Variants in UBE2E2 observed in about 807,000 individuals in gnomAD.
UBE2E2 encodes ubiquitin conjugating enzyme E2 E2.
Under a neutral mutation model 24.7 loss-of-function variants are expected in UBE2E2, and 6 were observed. The ratio of observed to expected loss-of-function variants is 0.24; its 90% CI spans 0.13 to 0.48. UBE2E2 has a LOEUF of 0.48. Among genes scored for constraint, UBE2E2 ranks in the 20% least tolerant of loss-of-function variants. The pLI is 0.99. For synonymous variants in UBE2E2, 104 were observed against 83.6 expected (o/e 1.24, Z -1.33); for missense variants, 169 against 245.0 (o/e 0.69, Z 2.07).
intron 5 of UBE2E2, among the ~76,000 whole-genome samples, chr3:23,582,269 T>C (rs1244856202): frequency 6.6e-6 from 1 of 152,222 alleles, no homozygotes; most frequent in East Asian, 1.9e-4. Flanking sequence ...CTATTGTGTA[T>C]ATATACCACG....
chr3:23,378,912 T>G (rs1233271189), intron 3 of UBE2E2, among the ~76,000 whole-genome samples: 1 of 152,212 alleles, frequency 6.6e-6, no homozygotes, highest in Non-Finnish European at 1.5e-5. Flanking sequence ...CCTATTTTCT[T>G]TGTCAAATCT....
At chr3:23,469,463 T>A (rs1016784352) in intron 3 of UBE2E2, among the ~76,000 whole-genome samples, 2 of 152,210 alleles carry the variant, frequency 1.3e-5, no homozygotes, top group African/African-American at 2.4e-5. Context: ...AAATATGTAT[T>A]ATTCATACTA....
intron 3 of UBE2E2, among the ~76,000 whole-genome samples, chr3:23,456,278 G>C (rs1698677703): frequency 6.6e-6 from 1 of 152,122 alleles, no homozygotes; most frequent in South Asian, 2.1e-4. Context: ...TCATCCATGA[G>C]AGTTGGAATC....
At chr3:23,560,678 C>T (rs1162429010) in intron 5 of UBE2E2, among the ~76,000 whole-genome samples, 6 of 152,188 alleles carry the variant, frequency 3.9e-5, no homozygotes, top group South Asian at 2.1e-4. Flanking sequence ...TTTACAGTCC[C>T]ACCAACAGTG....
chr3:23,301,999 C>T (rs1699110255), intron 3 of UBE2E2, among the ~76,000 whole-genome samples: 1 of 152,124 alleles, frequency 6.6e-6, no homozygotes, highest in African/African-American at 2.4e-5. Context: ...ATAATTCAGA[C>T]TTGTGGAAAA....
intron 3 of UBE2E2, among the ~76,000 whole-genome samples, chr3:23,224,618 C>G (rs553873001): frequency 5.3e-5 from 8 of 150,632 alleles, no homozygotes; most frequent in African/African-American, 2.0e-4. Context: ...TTGACTTTTT[C>G]CTTTACAGTT....
chr3:23,441,771 A>G (rs1243953699), intron 3 of UBE2E2, among the ~76,000 whole-genome samples: 2 of 152,198 alleles, frequency 1.3e-5, no homozygotes, highest in Non-Finnish European at 2.9e-5. Flanking sequence ...TGTTAACTGT[A>G]CAACACTTTA....
rs796469359 is a variant in UBE2E2 at position 23,425,993 on chromosome 3, G to T, written c.228-73615G>T. 6.6e-5 allele frequency among the ~76,000 whole-genome samples: 10 copies of T among 152,178 alleles called. 1 individual carries two copies. Among genetic ancestry groups the T allele is most frequent in the African/African-American group, 2.2e-4 (9 of 41,442 alleles). On this transcript the variant is annotated intron_variant, in intron 3 of 5. Coordinates refer to ENST00000396703, the MANE Select transcript of UBE2E2 (RefSeq NM_152653.4). ...TCATTAAAATACTAAGGGCTCTAGGGATAAAGTAGATGCCATGGAAGAGCA... is the reference window on the plus strand; with the variant it reads ...TCATTAAAATACTAAGGGCTCTAGGTATAAAGTAGATGCCATGGAAGAGCA...
At chr3:23,401,491 G>T (rs1481698664) in intron 3 of UBE2E2, among the ~76,000 whole-genome samples, 1 of 152,102 alleles carries the variant, frequency 6.6e-6, no homozygotes, top group East Asian at 1.9e-4. Flanking sequence ...TATGTGAAAA[G>T]GTAAAAACGT....
intron 3 of UBE2E2, chr3:23,271,084 A>G (rs1239513108): frequency 8.8e-6 from 4 of 453,546 alleles, no homozygotes; most frequent in African/African-American, 2.0e-5. Context: ...AGTTAAGATG[A>G]TAGCAGTAAT....
intron 2 of UBE2E2, among the ~76,000 whole-genome samples, chr3:23,215,944 T>A (rs1696464661): frequency 6.6e-6 from 1 of 152,174 alleles, no homozygotes; most frequent in East Asian, 1.9e-4. Flanking sequence ...ATATGTACTT[T>A]GTATGCATAT....
intron 3 of UBE2E2, among the ~76,000 whole-genome samples, chr3:23,277,478 C>G (rs1214574235): frequency 6.6e-6 from 1 of 152,072 alleles, no homozygotes; most frequent in South Asian, 2.1e-4. Context: ...CTATCTAACT[C>G]TAAGAACTAG....
At chr3:23,476,334 A>T (rs1198108140) in intron 3 of UBE2E2, among the ~76,000 whole-genome samples, 1 of 152,080 alleles carries the variant, frequency 6.6e-6, no homozygotes. Context: ...TGTAATTATT[A>T]TGCTAGATAC....
chr3:23,272,354 G>A (rs11129113), intron 3 of UBE2E2, among the ~76,000 whole-genome samples: 45,971 of 151,668 alleles, frequency 0.3, 7,903 homozygotes, highest in Admixed American at 0.49. Context: ...CAAGAGCAAC[G>A]CACGCAGCCC....
intron 5 of UBE2E2, among the ~76,000 whole-genome samples, chr3:23,588,502 A>C (rs1216917435): frequency 6.7e-6 from 1 of 150,002 alleles, no homozygotes; most frequent in Non-Finnish European, 1.5e-5. Flanking sequence ...CTACAGACTC[A>C]AACTCCTGGA....
intron 3 of UBE2E2, among the ~76,000 whole-genome samples, chr3:23,241,823 T>A (rs1161048759): frequency 6.6e-6 from 1 of 152,174 alleles, no homozygotes; most frequent in Non-Finnish European, 1.5e-5. Context: ...TTCATTGATA[T>A]TTATTGGCAA....
intron 3 of UBE2E2, among the ~76,000 whole-genome samples, chr3:23,473,581 C>G (rs986096823): frequency 6.6e-6 from 1 of 151,990 alleles, no homozygotes; most frequent in Non-Finnish European, 1.5e-5. Flanking sequence ...TCTCTCACCC[C>G]CTTCCCACCC....
At chr3:23,571,314 G>C (rs1276052434) in intron 5 of UBE2E2, among the ~76,000 whole-genome samples, 1 of 6,934 alleles carries the variant, frequency 1.4e-4, no homozygotes, top group Middle Eastern at 0.17. Context: ...TTTTGAGACA[G>C]AGTCTCGCTC....
chr3:23,477,342 G>A (rs954222235), intron 3 of UBE2E2, among the ~76,000 whole-genome samples: 1 of 152,154 alleles, frequency 6.6e-6, no homozygotes, highest in Non-Finnish European at 1.5e-5. Context: ...ATAGCTAAAT[G>A]TGTACCACAT....
Sources: gnomAD v4.1 joint callset for allele counts (sites outside exome capture counted in the v4.1 genomes callset) on GRCh38, gnomAD v4.1.1 for gene constraint, MANE v1.5 for transcripts, NCBI Gene and HGNC (gene_info 2026-07-23, HGNC 2026-07-21) for gene names.